CDIN1: variants seen among roughly 807,000 people sequenced by gnomAD.
CDIN1 encodes CDAN1-interacting nuclease 1.
A neutral mutation model predicts 45.3 loss-of-function variants in CDIN1; 33 were observed. The ratio of observed to expected loss-of-function variants is 0.73; its 90% confidence interval spans 0.55 to 0.97. The LOEUF is 0.97. Ranked by LOEUF, CDIN1 falls within the 50% of genes least tolerant of loss-of-function variation. CDIN1 has a pLI of 0.00. For synonymous variants in CDIN1, 118 were observed against 124.4 expected (o/e 0.95, Z 0.34); for missense variants, 303 against 339.4 (o/e 0.89, Z 0.84).
intron 10 of CDIN1, among the ~76,000 whole-genome samples, chr15:36,767,396 C>A (rs2053956035): frequency 6.6e-6 from 1 of 152,206 alleles, no homozygotes; most frequent in Non-Finnish European, 1.5e-5. Flanking sequence ...ATTCCAACAT[C>A]ACCAGAATGT....
intron 5 of CDIN1, among the ~76,000 whole-genome samples, chr15:36,688,083 A>G (rs936970988): frequency 6.6e-6 from 1 of 152,110 alleles, no homozygotes; most frequent in Admixed American, 6.5e-5. Context: ...AATTTTATAA[A>G]AATAGTAAAA....
intron 8 of CDIN1, chr15:36,708,609 C>A (rs2042952020): frequency 6.6e-6 from 1 of 151,810 alleles, no homozygotes. Context: ...GAAAAAAAAT[C>A]TTAAAGCCTT....
intron 10 of CDIN1, among the ~76,000 whole-genome samples, chr15:36,714,322 A>T (rs959852088): frequency 6.6e-6 from 1 of 152,152 alleles, no homozygotes; most frequent in Admixed American, 6.6e-5. Context: ...GTATAATCTT[A>T]TGTTGGTCGG....
chr15:36,691,320 T>C (rs1231819441), intron 5 of CDIN1: 1 of 304,078 alleles, frequency 3.3e-6, no homozygotes, highest in Non-Finnish European at 6.3e-6. Context: ...ACTCTTCATA[T>C]ACATATGCTT....
intron 5 of CDIN1, chr15:36,691,046 T>TTG (rs370806905): frequency 1.6e-5 from 7 of 430,246 alleles, no homozygotes; most frequent in East Asian, 6.1e-5. Flanking sequence ...GGTGGAAAAC[T>TTG]TGTGTGTGTG....
At chr15:36,736,631 T>C (rs2044030138) in intron 10 of CDIN1, among the ~76,000 whole-genome samples, 1 of 152,210 alleles carries the variant, frequency 6.6e-6, no homozygotes, top group Non-Finnish European at 1.5e-5. Flanking sequence ...GATGCTGAGT[T>C]ATTTCAGGGC....
intron 1 of CDIN1, among the ~76,000 whole-genome samples, chr15:36,599,238 A>C (rs947265952): frequency 5.3e-5 from 8 of 152,188 alleles, no homozygotes; most frequent in African/African-American, 1.9e-4. Context: ...CTATTTAAAA[A>C]TATTAAAATA....
intron 10 of CDIN1, among the ~76,000 whole-genome samples, chr15:36,753,245 G>C (rs1430246185): frequency 6.6e-6 from 1 of 152,124 alleles, no homozygotes; most frequent in East Asian, 1.9e-4. Flanking sequence ...CCTGGAGCTG[G>C]TGGTGTCTGC....
intron 10 of CDIN1, among the ~76,000 whole-genome samples, chr15:36,793,986 T>C (rs971162959): frequency 6.7e-6 from 1 of 150,238 alleles, no homozygotes; most frequent in African/African-American, 2.4e-5. Flanking sequence ...CTATTTTCTG[T>C]TGTTGCTTTT....
intron 5 of CDIN1, among the ~76,000 whole-genome samples, chr15:36,672,514 A>G (rs1486966910): frequency 6.6e-6 from 1 of 151,976 alleles, no homozygotes; most frequent in African/African-American, 2.4e-5. Context: ...ATAATGCAGT[A>G]TATTAAGGTG....
chr15:36,657,868 A>G lies in CDIN1; in HGVS notation c.309A>G (p.Ile103Met), dbSNP rs752227872. 4.2e-5 allele frequency: 68 copies of G among 1,611,980 alleles called. No homozygotes were observed. The highest frequency in any genetic ancestry group is 8.4e-5 in the Admixed American group (5 of 59,852). The change falls in exon 5 of 11, where the codon ATA becomes ATG. Residue 103 changes from isoleucine to methionine, a missense_variant. Coordinates refer to ENST00000566621, the MANE Select transcript of CDIN1 (RefSeq NM_001321759.2). The stretch of plus-strand genomic sequence containing the variant: ...CGCCCTCATTAATGGCTCGGCTTAT[A>G]CTGGAGAGGTTTCTACAGGAACACG... ...DYAPSLMARL[I>M]LERFLQEHEE... is the part of the protein sequence containing the mutation.
chr15:36,797,696 G>A (rs986639954), intron 10 of CDIN1, among the ~76,000 whole-genome samples: 10 of 151,874 alleles, frequency 6.6e-5, no homozygotes, highest in South Asian at 4.2e-4. Context: ...ATGACTTTCC[G>A]TGGCCAGGCA....
At chr15:36,775,409 C>T (rs549107818) in intron 10 of CDIN1, among the ~76,000 whole-genome samples, 4 of 152,152 alleles carry the variant, frequency 2.6e-5, no homozygotes, top group African/African-American at 7.2e-5. Context: ...CCAGAATTCT[C>T]GGCTGGCACG....
At chr15:36,629,003 T>C (rs144313184) in intron 1 of CDIN1, among the ~76,000 whole-genome samples, 1 of 152,266 alleles carries the variant, frequency 6.6e-6, no homozygotes, top group East Asian at 1.9e-4. Context: ...ATTGGAGTGA[T>C]GTGTCCACAA....
At chr15:36,605,275 G>C (rs2038306603) in intron 1 of CDIN1, among the ~76,000 whole-genome samples, 1 of 152,092 alleles carries the variant, frequency 6.6e-6, no homozygotes, top group Admixed American at 6.5e-5. Flanking sequence ...AAACTGCAAA[G>C]ACTTTTCTCC....
intron 10 of CDIN1, among the ~76,000 whole-genome samples, chr15:36,797,129 T>C (rs999222274): frequency 2.6e-5 from 4 of 152,184 alleles, no homozygotes; most frequent in Non-Finnish European, 5.9e-5. Flanking sequence ...AGGAATGACA[T>C]AGGCATTGTA....
chr15:36,716,097 A>T (rs1361554203), intron 10 of CDIN1, among the ~76,000 whole-genome samples: 1 of 152,210 alleles, frequency 6.6e-6, no homozygotes, highest in African/African-American at 2.4e-5. Context: ...AAGAAAACAG[A>T]TCTATAAGGG....
intron 5 of CDIN1, among the ~76,000 whole-genome samples, chr15:36,690,964 C>G (rs1228020996): frequency 6.6e-6 from 1 of 152,106 alleles, no homozygotes; most frequent in Non-Finnish European, 1.5e-5. Flanking sequence ...AGATGCCTCC[C>G]TTAGTGCCCC....
chr15:36,686,832 G>A (rs993563731), intron 5 of CDIN1, among the ~76,000 whole-genome samples: 3 of 138,130 alleles, frequency 2.2e-5, no homozygotes, highest in African/African-American at 8.2e-5. Flanking sequence ...GAGGTAGTCA[G>A]GGAGGGAGAG....
Sources: gnomAD v4.1 joint callset for allele counts (sites outside exome capture counted in the v4.1 genomes callset) on GRCh38, gnomAD v4.1.1 for gene constraint, MANE v1.5 for transcripts, NCBI Gene and HGNC (gene_info 2026-07-23, HGNC 2026-07-21) for gene names.